LRRC37A2: variants seen among roughly 807,000 people sequenced by gnomAD.
LRRC37A2 encodes leucine-rich repeat-containing protein 37A2.
In LRRC37A2, 9 loss-of-function variants were observed where a neutral mutation model predicts 68.8. That is an observed-to-expected ratio of 0.13 (90% CI 0.08 to 0.23). The LOEUF (loss-of-function observed/expected upper bound fraction) is 0.23, where lower values mean the gene tolerates loss of function less well. Ranked by LOEUF, LRRC37A2 falls within the 10% of genes least tolerant of loss-of-function variation. LRRC37A2 has a pLI of 1.00. For missense variants in LRRC37A2, 168 were observed against 950.4 expected (o/e 0.18, Z 10.82); for synonymous variants, 63 against 367.6 (o/e 0.17, Z 9.48).
At chr17:46,881,905 TCAC>T in the LRRC37A2 span, among the ~76,000 whole-genome samples, 1 of 152,192 alleles carries the variant, frequency 6.6e-6, no homozygotes, top group Non-Finnish European at 1.5e-5. Context: ...CACAAGGCCA[TCAC>T]CACATCTAAG....
the LRRC37A2 span, chr17:46,769,882 G>A: frequency 3.7e-6 from 6 of 1,613,642 alleles, no homozygotes; most frequent in South Asian, 1.1e-5. Flanking sequence ...ACACGCCGAA[G>A]TCAGCGTCCT....
chr17:47,035,147 C>T, the LRRC37A2 span: 8 of 152,324 alleles, frequency 5.3e-5, no homozygotes, highest in Non-Finnish European at 8.8e-5. Context: ...CAACATGCTT[C>T]TTTGTGTTAA....
the LRRC37A2 span, among the ~76,000 whole-genome samples, chr17:46,912,408 T>C: frequency 4.6e-5 from 7 of 152,236 alleles, no homozygotes; most frequent in Admixed American, 4.6e-4. Context: ...CCTGGGGACA[T>C]ATTAGTCAGT....
At chr17:46,932,842 A>G in the LRRC37A2 span, 1 of 153,478 alleles carries the variant, frequency 6.5e-6, no homozygotes. Flanking sequence ...CCTGCATAAT[A>G]TATTCCACTA....
chr17:46,878,870 T>C, the LRRC37A2 span, among the ~76,000 whole-genome samples: 1 of 152,276 alleles, frequency 6.6e-6, no homozygotes, highest in East Asian at 1.9e-4. Context: ...ACACCCCAAG[T>C]CAATGGCACA....
the LRRC37A2 span, among the ~76,000 whole-genome samples, chr17:46,982,955 G>T: frequency 6.6e-6 from 1 of 152,172 alleles, no homozygotes; most frequent in Non-Finnish European, 1.5e-5. Context: ...CTACAGTTGG[G>T]CTCATTAGAA....
At chr17:46,728,597 C>CA in the LRRC37A2 span, among the ~76,000 whole-genome samples, 25 of 149,268 alleles carry the variant, frequency 1.7e-4, no homozygotes, top group African/African-American at 5.2e-4. Context: ...GACCCTGTCT[C>CA]AAAAAAAAAG....
At chr17:46,926,965 C>T in the LRRC37A2 span, among the ~76,000 whole-genome samples, 4 of 152,186 alleles carry the variant, frequency 2.6e-5, no homozygotes, top group Admixed American at 2.6e-4. Flanking sequence ...CTTTATTCTA[C>T]TAGTTATTGT....
the LRRC37A2 span, among the ~76,000 whole-genome samples, chr17:47,046,281 G>A: frequency 8.0e-6 from 1 of 125,456 alleles, no homozygotes; most frequent in East Asian, 2.4e-4. Flanking sequence ...GGGGGTTGAG[G>A]CTGCAATGAG....
At chr17:46,726,403 G>A in the LRRC37A2 span, 1 of 744,190 alleles carries the variant, frequency 1.3e-6, no homozygotes, top group Non-Finnish European at 2.4e-6. Context: ...CGGTGATCCA[G>A]TGTGTCAATT....
At chr17:46,971,056 C>T in the LRRC37A2 span, among the ~76,000 whole-genome samples, 6 of 152,096 alleles carry the variant, frequency 3.9e-5, no homozygotes, top group East Asian at 3.9e-4. Flanking sequence ...CTTGTATCAT[C>T]GCTTTAAAAC....
the LRRC37A2 span, chr17:46,768,474 T>G: frequency 2.5e-6 from 4 of 1,614,104 alleles, no homozygotes; most frequent in South Asian, 4.4e-5. The surrounding 1 kb of genome is among the most constrained non-coding windows in gnomAD (Gnocchi z 5.0). Context: ...ATCGATGCCG[T>G]GGGAGGTGAC....
the LRRC37A2 span, among the ~76,000 whole-genome samples, chr17:46,987,999 G>A: frequency 8.5e-5 from 13 of 152,140 alleles, no homozygotes; most frequent in East Asian, 1.9e-4. Context: ...CAGGGAAACC[G>A]TGTCTCTACT....
At chr17:47,022,065 G>A in the LRRC37A2 span, 1 of 670,770 alleles carries the variant, frequency 1.5e-6, no homozygotes, top group Non-Finnish European at 2.5e-6. Context: ...CAATCGTATG[G>A]TTATTTTAAA....
chr17:46,416,443 G>A, the LRRC37A2 span, among the ~76,000 whole-genome samples: 6 of 4,582 alleles, frequency 1.3e-3, no homozygotes, highest in East Asian at 5.6e-3. Flanking sequence ...GCACCACTGC[G>A]CCCGGCTAAT....
At chr17:47,039,023 C>G in the LRRC37A2 span, among the ~76,000 whole-genome samples, 7 of 149,462 alleles carry the variant, frequency 4.7e-5, no homozygotes, top group African/African-American at 1.7e-4. Flanking sequence ...TGCAGATTCA[C>G]ATTAGTACTC....
the LRRC37A2 span, among the ~76,000 whole-genome samples, chr17:46,914,892 T>C: frequency 2.0e-5 from 3 of 152,142 alleles, no homozygotes. Flanking sequence ...AAGGGATCTT[T>C]CTTTCCTGCA....
At chr17:46,891,009 GC>G in the LRRC37A2 span, among the ~76,000 whole-genome samples, 2 of 152,146 alleles carry the variant, frequency 1.3e-5, no homozygotes, top group African/African-American at 4.8e-5. Context: ...GAAATGAAAA[GC>G]CCTTGCCTGA....
At chr17:46,768,358 C>G in the LRRC37A2 span, 1 of 1,613,854 alleles carries the variant, frequency 6.2e-7, no homozygotes. The surrounding 1 kb of genome is among the most constrained non-coding windows in gnomAD (Gnocchi z 5.0). Context: ...CGAATACACT[C>G]CTGGCAGCTG....
Sources: allele counts gnomAD v4.1 joint callset (sites outside exome capture counted in the v4.1 genomes callset), GRCh38; gene constraint gnomAD v4.1.1; non-coding constraint Gnocchi (gnomAD v3.1); transcripts MANE v1.5; gene names NCBI Gene and HGNC (gene_info 2026-07-23, HGNC 2026-07-21).